SLC1A3: variants seen among roughly 807,000 people sequenced by gnomAD.
The protein encoded by SLC1A3 is excitatory amino acid transporter 1.
A neutral mutation model predicts 48.1 loss-of-function variants in SLC1A3; 21 were observed. The observed-to-expected ratio is 0.44, with a 90% CI of 0.31 to 0.63. The LOEUF (loss-of-function observed/expected upper bound fraction) is 0.63, where lower values mean the gene tolerates loss of function less well. Ranked by LOEUF, SLC1A3 falls within the 20% of genes least tolerant of loss-of-function variation. The pLI is 0.08. For missense variants in SLC1A3, 546 were observed against 689.0 expected, an observed-to-expected ratio of 0.79 and a Z score of 2.32; for synonymous variants, 239 against 251.4, an observed-to-expected ratio of 0.95 and a Z score of 0.47.
chr5:36,644,244 C>T (rs1464101886), intron 3 of SLC1A3, among the ~76,000 whole-genome samples: 2 of 151,956 alleles, frequency 1.3e-5, no homozygotes, highest in Non-Finnish European at 2.9e-5. Context: ...GATTCTTGCT[C>T]TTATCCGTGT....
At chr5:36,608,276 T>A (rs1445486246) in intron 1 of SLC1A3, 53 bp from the exon 2 acceptor site, 6 of 692,398 alleles carry the variant, frequency 8.7e-6, no homozygotes, top group Non-Finnish European at 1.5e-5. Context: ...GGAGCAGCAC[T>A]GATTTCTCAC....
intron 3 of SLC1A3, among the ~76,000 whole-genome samples, chr5:36,660,415 A>G (rs1377038971): frequency 2.6e-5 from 4 of 152,236 alleles, no homozygotes; most frequent in African/African-American, 9.6e-5. Context: ...CTATGCACGT[A>G]AGTATTACAA....
upstream of SLC1A3, among the ~76,000 whole-genome samples, chr5:36,605,026 G>C (rs1424298903): frequency 6.6e-6 from 1 of 151,824 alleles, no homozygotes; most frequent in Non-Finnish European, 1.5e-5. Context: ...ACCTAAACCA[G>C]AGGCACCAAT....
At chr5:36,626,684 ATGTT>A (rs1739917594) in intron 2 of SLC1A3, among the ~76,000 whole-genome samples, 1 of 152,222 alleles carries the variant, frequency 6.6e-6, no homozygotes, top group Non-Finnish European at 1.5e-5. Flanking sequence ...GTAAAGCAAA[ATGTT>A]TGTTTATTTA....
chr5:36,672,340 G>T lies in SLC1A3; in HGVS notation c.524+1107G>T, dbSNP rs544751400. 2.0e-5 allele frequency among the ~76,000 whole-genome samples: 3 copies of T among 152,298 alleles called. No individual in the cohort carries two copies. The East Asian group carries it at 5.8e-4, about 29-fold the overall frequency. On this transcript the variant is annotated intron_variant, in intron 4 of 9. Transcript: ENST00000265113. The stretch of plus-strand genomic sequence containing the variant: ...GGTCCATAGAGGCCTGGATCCCAGG[G>T]CATAGACAGAGTGGAGAGTGAATCT...
intron 2 of SLC1A3, among the ~76,000 whole-genome samples, chr5:36,625,732 C>G (rs1234778830): frequency 1.3e-5 from 2 of 152,214 alleles, no homozygotes; most frequent in African/African-American, 4.8e-5. Context: ...TGACCTAAAA[C>G]TATCCCTTAT....
chr5:36,632,996 CAAG>C (rs1275407384), intron 3 of SLC1A3, among the ~76,000 whole-genome samples: 2 of 152,096 alleles, frequency 1.3e-5, no homozygotes, highest in African/African-American at 4.8e-5. Flanking sequence ...ATTTTTTGGA[CAAG>C]AAGACTATGT....
At chr5:36,647,902 G>A (rs1223867564) in intron 3 of SLC1A3, among the ~76,000 whole-genome samples, 1 of 152,144 alleles carries the variant, frequency 6.6e-6, no homozygotes, top group Non-Finnish European at 1.5e-5. Flanking sequence ...CTTCTTGTTT[G>A]TTTGTTTGTT....
At chr5:36,626,274 G>A (rs942734029) in intron 2 of SLC1A3, among the ~76,000 whole-genome samples, 2 of 152,112 alleles carry the variant, frequency 1.3e-5, no homozygotes, top group East Asian at 1.9e-4. Context: ...TAGAATAATC[G>A]CTTCCTTCAT....
chr5:36,629,598 C>A lies in SLC1A3; in HGVS notation c.319+11C>A, dbSNP rs1206155306. On this transcript the variant is annotated intron_variant, in intron 3 of 9. Transcript: ENST00000265113. The stretch of plus-strand genomic sequence containing the variant: ...CCAGTCTTGTCACAGGTACCATAAG[C>A]AGTTGTTGGTTTGTTTGGTTTTTTT... The A allele has an allele frequency of 1.2e-6, 2 of 1,611,016 alleles. No homozygotes were observed. The highest frequency in any genetic ancestry group is 2.2e-5 in the South Asian group (2 of 90,998).
intron 1 of SLC1A3, among the ~76,000 whole-genome samples, chr5:36,599,086 A>G (rs775401124): frequency 6.6e-5 from 10 of 152,320 alleles, no homozygotes; most frequent in Non-Finnish European, 1.3e-4. Context: ...CGCATCTCAA[A>G]TCCTACTAAC....
chr5:36,598,965 T>G (rs572553717), intron 1 of SLC1A3, among the ~76,000 whole-genome samples: 1 of 152,290 alleles, frequency 6.6e-6, no homozygotes, highest in African/African-American at 2.4e-5. Context: ...ACTCAATATA[T>G]CCAAAATATT....
intron 3 of SLC1A3, among the ~76,000 whole-genome samples, chr5:36,648,322 G>T (rs1343893586): frequency 6.6e-6 from 1 of 152,148 alleles, no homozygotes; most frequent in Admixed American, 6.5e-5. Flanking sequence ...GGAAATTTGA[G>T]ATTTGTGTCA....
chr5:36,675,146 A>G (rs1213811589), intron 5 of SLC1A3, among the ~76,000 whole-genome samples: 1 of 152,150 alleles, frequency 6.6e-6, no homozygotes, highest in Non-Finnish European at 1.5e-5. Context: ...TGGATTTTAC[A>G]CATATAAGTC....
chr5:36,612,093 A>G (rs1483286884), intron 2 of SLC1A3, among the ~76,000 whole-genome samples: 1 of 151,936 alleles, frequency 6.6e-6, no homozygotes, highest in East Asian at 1.9e-4. Context: ...ACGCACACAC[A>G]CACACACAGA....
intron 3 of SLC1A3, among the ~76,000 whole-genome samples, chr5:36,659,307 G>A (rs544426448): frequency 1.3e-5 from 2 of 152,288 alleles, no homozygotes; most frequent in South Asian, 4.1e-4. Flanking sequence ...GGGTTGTTAG[G>A]AGGATAAAGG....
chr5:36,632,013 T>C (rs897366418), intron 3 of SLC1A3, among the ~76,000 whole-genome samples: 1 of 152,260 alleles, frequency 6.6e-6, no homozygotes, highest in Non-Finnish European at 1.5e-5. Flanking sequence ...ACGTGGGTGA[T>C]GCATGTACAT....
chr5:36,604,856 G>T (rs1449061856), upstream of SLC1A3, among the ~76,000 whole-genome samples: 1 of 137,052 alleles, frequency 7.3e-6, no homozygotes, highest in Non-Finnish European at 1.6e-5. Flanking sequence ...TCTCTTTCGA[G>T]TTCCCTTGCA....
At chr5:36,609,612 T>G (rs2111662268) in intron 2 of SLC1A3, among the ~76,000 whole-genome samples, 2 of 152,334 alleles carry the variant, frequency 1.3e-5, no homozygotes, top group Middle Eastern at 3.4e-3. Context: ...AAAATTGAAT[T>G]CTTAAATTGT....
Sources: allele counts gnomAD v4.1 joint callset (sites outside exome capture counted in the v4.1 genomes callset), GRCh38; gene constraint gnomAD v4.1.1; transcripts MANE v1.5; gene names NCBI Gene and HGNC (gene_info 2026-07-23, HGNC 2026-07-21).